The following ADAMTSL1 variants were observed in gnomAD, a reference collection of about 807,000 sequenced individuals.
ADAMTSL1 encodes ADAMTS like 1.
In ADAMTSL1, 126 loss-of-function variants were observed where a neutral mutation model predicts 201.8. The ratio of observed to expected loss-of-function variants is 0.62; its 90% CI spans 0.54 to 0.72. The LOEUF is 0.72. Ranked by LOEUF, ADAMTSL1 falls within the 30% of genes least tolerant of loss-of-function variation. The pLI is 0.00. For missense variants in ADAMTSL1, 2,679 were observed against 2,277.8 expected, an observed-to-expected ratio of 1.18 and a Z score of -3.59; for synonymous variants, 1,121 against 903.4, an observed-to-expected ratio of 1.24 and a Z score of -4.32.
At chr9:18,392,601 T>G (rs1838097312) in intron 2 of ADAMTSL1, among the ~76,000 whole-genome samples, 1 of 152,216 alleles carries the variant, frequency 6.6e-6, no homozygotes. Flanking sequence ...GGACATCCTT[T>G]CCAGGCTACC....
chr9:18,627,366 T>A (rs1226414362), intron 5 of ADAMTSL1, among the ~76,000 whole-genome samples: 1 of 152,216 alleles, frequency 6.6e-6, no homozygotes, highest in East Asian at 1.9e-4. Flanking sequence ...TGGCTAATAA[T>A]GTTAACATCT....
intron 2 of ADAMTSL1, among the ~76,000 whole-genome samples, chr9:18,429,942 A>G (rs1204042469): frequency 6.6e-6 from 1 of 151,884 alleles, no homozygotes; most frequent in African/African-American, 2.4e-5. Flanking sequence ...GGCACGTGCC[A>G]CGACACCCAG....
At chr9:18,609,760 C>G (rs146551950) in intron 4 of ADAMTSL1, among the ~76,000 whole-genome samples, 1 of 152,102 alleles carries the variant, frequency 6.6e-6, no homozygotes. Context: ...ATTCTGGAGA[C>G]TATGAAATAG....
intron 1 of ADAMTSL1, among the ~76,000 whole-genome samples, chr9:18,076,433 A>G (rs1041204938): frequency 5.3e-5 from 8 of 152,196 alleles, no homozygotes; most frequent in Non-Finnish European, 1.2e-4. Flanking sequence ...GAGCAAACAC[A>G]TGCATGATCA....
intron 4 of ADAMTSL1, among the ~76,000 whole-genome samples, chr9:18,592,437 T>C (rs1823983672): frequency 6.6e-6 from 1 of 152,208 alleles, no homozygotes; most frequent in African/African-American, 2.4e-5. Context: ...AAATGCTGAA[T>C]GTCCACAGAT....
At position 18,661,993 on chromosome 9, in the gene ADAMTSL1, C is replaced by T. The variant is rs973362151; in HGVS notation, c.1005C>T (p.Asp335=). The T allele has an allele frequency of 2.5e-6, 4 of 1,614,088 alleles. No individual in the cohort carries two copies. The highest frequency in any genetic ancestry group is 1.7e-5 in the Admixed American group (1 of 60,018). ...YDLRSNRVVA[D]QYCHYYPENI... The stretch of plus-strand genomic sequence containing the variant: ...TGAGGAGCAACCGTGTGGTTGCTGA[C>T]CAATACTGTCACTATTACCCAGAGA... Residue 335 remains aspartate (D), a synonymous_variant, in exon 9 of 29, where the codon GAC becomes GAT. Coordinates refer to ENST00000380548, the MANE Select transcript of ADAMTSL1 (RefSeq NM_001040272.6).
intron 7 of ADAMTSL1, among the ~76,000 whole-genome samples, chr9:18,646,337 A>C (rs902950823): frequency 2.6e-5 from 4 of 152,196 alleles, no homozygotes; most frequent in Non-Finnish European, 5.9e-5. Flanking sequence ...ATCTTCAAAC[A>C]GGGATAATTT....
intron 9 of ADAMTSL1, 50 bp from the exon 10 acceptor site, chr9:18,675,807 T>TTATTGTGTG: frequency 6.6e-7 from 1 of 1,519,170 alleles, no homozygotes; most frequent in Non-Finnish European, 9.1e-7. Context: ...AGTGTTTATT[T>TTATTGTGTG]TATTGTGTGT....
chr9:18,043,158 A>T (rs939279517), intron 1 of ADAMTSL1, among the ~76,000 whole-genome samples: 7 of 152,102 alleles, frequency 4.6e-5, no homozygotes, highest in African/African-American at 1.7e-4. Flanking sequence ...AATGGTGTAT[A>T]TTTATATGCC....
At chr9:18,166,657 A>G (rs942127350) in intron 2 of ADAMTSL1, among the ~76,000 whole-genome samples, 2 of 151,732 alleles carry the variant, frequency 1.3e-5, no homozygotes, top group African/African-American at 4.8e-5. Context: ...AGTAGCATTA[A>G]CTCTAGGAAA....
At chr9:18,559,815 T>C (rs1821355472) in intron 3 of ADAMTSL1, among the ~76,000 whole-genome samples, 1 of 152,206 alleles carries the variant, frequency 6.6e-6, no homozygotes, top group African/African-American at 2.4e-5. Context: ...CATTTGTCTA[T>C]TATTGGTATA....
At chr9:18,045,672 A>G (rs1176429557) in intron 1 of ADAMTSL1, among the ~76,000 whole-genome samples, 2 of 151,986 alleles carry the variant, frequency 1.3e-5, no homozygotes, top group African/African-American at 4.8e-5. Context: ...ATTTAACTCT[A>G]TTTTACCCTC....
chr9:17,943,207 GCTGGGATTA>G (rs1283094222), intron 1 of ADAMTSL1, among the ~76,000 whole-genome samples: 1 of 152,092 alleles, frequency 6.6e-6, no homozygotes, highest in Non-Finnish European at 1.5e-5. Context: ...CTCCCAAAGT[GCTGGGATTA>G]CAGGTGTGAG....
At chr9:18,486,319 C>T (rs1821991732) in intron 1 of ADAMTSL1, among the ~76,000 whole-genome samples, 1 of 152,080 alleles carries the variant, frequency 6.6e-6, no homozygotes, top group South Asian at 2.1e-4. Context: ...GAATTCAGGC[C>T]CAAGTTTTCT....
At chr9:17,912,829 T>G (rs2131270674) in intron 1 of ADAMTSL1, among the ~76,000 whole-genome samples, 1 of 146,970 alleles carries the variant, frequency 6.8e-6, no homozygotes, top group South Asian at 2.3e-4. Context: ...GGTCTAACGT[T>G]TAAGTCTTTA....
At chr9:18,357,574 T>C (rs1836309633) in intron 2 of ADAMTSL1, among the ~76,000 whole-genome samples, 1 of 152,142 alleles carries the variant, frequency 6.6e-6, no homozygotes, top group Admixed American at 6.5e-5. Context: ...TTTTTTTCAC[T>C]ATCTCAAGTT....
chr9:18,240,930 A>G (rs1415602202), intron 2 of ADAMTSL1, among the ~76,000 whole-genome samples: 1 of 152,122 alleles, frequency 6.6e-6, no homozygotes, highest in Non-Finnish European at 1.5e-5. Context: ...CAGCTTCCTC[A>G]CTTCTGTCAA....
At chr9:18,219,024 A>G (rs1563815249) in intron 2 of ADAMTSL1, among the ~76,000 whole-genome samples, 4 of 151,968 alleles carry the variant, frequency 2.6e-5, no homozygotes. Context: ...CATCTGTCAT[A>G]TATCAGTTTC....
chr9:18,670,036 C>A (rs1000238972), intron 9 of ADAMTSL1, among the ~76,000 whole-genome samples: 3 of 152,142 alleles, frequency 2.0e-5, no homozygotes, highest in African/African-American at 4.8e-5. Context: ...TTCTTTCCTG[C>A]ACCCTTCTAA....
Sources: allele counts gnomAD v4.1 joint callset (sites outside exome capture counted in the v4.1 genomes callset), GRCh38; gene constraint gnomAD v4.1.1; transcripts MANE v1.5; gene names NCBI Gene and HGNC (gene_info 2026-07-23, HGNC 2026-07-21).